SBK1: variants seen among roughly 807,000 people sequenced by gnomAD.
SBK1 encodes the protein SH3 domain binding kinase 1, also known as serine/threonine-protein kinase SBK1.
A neutral mutation model predicts 24.4 loss-of-function variants in SBK1; 11 were observed. The ratio of observed to expected loss-of-function variants is 0.45; its 90% CI spans 0.28 to 0.75. The LOEUF (loss-of-function observed/expected upper bound fraction) is 0.75. Ranked by LOEUF, SBK1 falls within the 30% of genes least tolerant of loss-of-function variation. The probability of loss-of-function intolerance (pLI) is 0.12; values close to 1 mark genes in which losing one functional copy is unlikely to be tolerated. For missense variants in SBK1, 467 were observed against 620.5 expected (o/e 0.75, Z 2.63); for synonymous variants, 308 against 284.4 (o/e 1.08, Z -0.83).
In SBK1 at chr16:28,293,126, A is replaced by G; in HGVS notation, c.-182A>G. The G allele has an allele frequency of 2.0e-6, 2 of 985,688 alleles. No homozygotes were observed. Among genetic ancestry groups the G allele is most frequent in the Non-Finnish European group, 2.4e-6 (2 of 830,108 alleles). The allele number at this position is 985,688 out of a possible 1,614,324, so 61.1% of individuals were successfully genotyped here. ...ACAGCAAGAGACACTCTCACCAGCA[A>G]GAAGCCTCGGGGATCCCCCCCCTAA... On this transcript the variant is annotated 5_prime_UTR_variant, in exon 1 of 4. Coordinates refer to ENST00000341901, the MANE Select transcript of SBK1 (RefSeq NM_001024401.3).
At chr16:28,270,149 C>T (rs1343109301) in intron 1 of SBK1, among the ~76,000 whole-genome samples, 2 of 151,922 alleles carry the variant, frequency 1.3e-5, no homozygotes, top group African/African-American at 4.8e-5. Context: ...TCAACCTCCG[C>T]CTCCCAGGTT....
chr16:28,305,936 T>C (rs1162544917), intron 1 of SBK1, among the ~76,000 whole-genome samples: 1 of 152,238 alleles, frequency 6.6e-6, no homozygotes, highest in Non-Finnish European at 1.5e-5. Context: ...GATTCTTGAA[T>C]GGGCATGTGG....
At chr16:28,289,127 T>C (rs36019610), upstream of SBK1, among the ~76,000 whole-genome samples, 13,951 of 152,248 alleles carry the variant, frequency 0.092, 1,095 homozygotes, top group African/African-American at 0.21. Flanking sequence ...GGTCTGTTTC[T>C]TCCTCTGCAA....
At chr16:28,283,217 C>T (rs2044544666) in intron 1 of SBK1, among the ~76,000 whole-genome samples, 1 of 152,064 alleles carries the variant, frequency 6.6e-6, no homozygotes, top group Non-Finnish European at 1.5e-5. Context: ...AAGTATGAGC[C>T]ACCGCGCCCG....
In SBK1 at chr16:28,321,196, CA is replaced by C; in HGVS notation, c.*276del. On this transcript the variant is annotated 3_prime_UTR_variant, in exon 4 of 4. Coordinates refer to ENST00000341901, the MANE Select transcript of SBK1 (RefSeq NM_001024401.3). ...GGCCACCACACAACACACACACACACACACACACACACACACACACACACAC... is the reference window on the plus strand; with the variant it reads ...GGCCACCACACAACACACACACACACCACACACACACACACACACACACAC... The C allele has an allele frequency of 3.7e-5, 1 of 26,968 alleles. No homozygotes were observed. The allele number at this position is 26,968 out of a possible 1,614,324, so 1.7% of individuals were successfully genotyped here. A position where few individuals can be genotyped will look rare whatever the true frequency, so the allele number is the denominator to read the frequency against.
intron 1 of SBK1, among the ~76,000 whole-genome samples, chr16:28,282,456 G>A (rs970496263): frequency 3.9e-5 from 6 of 152,096 alleles, no homozygotes; most frequent in African/African-American, 1.2e-4. Context: ...GGAAGCCCCC[G>A]AACTTTGTGT....
chr16:28,307,035 G>GCAGCCC (rs911430441), intron 1 of SBK1, among the ~76,000 whole-genome samples: 18 of 152,200 alleles, frequency 1.2e-4, no homozygotes, highest in South Asian at 6.2e-4. Context: ...TCTCCCTCCA[G>GCAGCCC]CAGCCCCAGC....
intron 1 of SBK1, among the ~76,000 whole-genome samples, chr16:28,273,064 C>T (rs920593361): frequency 7.9e-5 from 12 of 151,910 alleles, no homozygotes; most frequent in African/African-American, 2.4e-4. Context: ...AGTGCTAATA[C>T]CATTTTGAGA....
chr16:28,313,433 C>G (rs1250643576), intron 1 of SBK1, among the ~76,000 whole-genome samples: 1 of 151,720 alleles, frequency 6.6e-6, no homozygotes, highest in African/African-American at 2.4e-5. Context: ...CCCATCTCTA[C>G]AAAAAATACA....
chr16:28,292,425 C>A, upstream of SBK1: 2 of 628,494 alleles, frequency 3.2e-6, no homozygotes, highest in Non-Finnish European at 3.9e-6. Flanking sequence ...AGGGCGCGCG[C>A]CGAGCGGGAC....
intron 1 of SBK1, among the ~76,000 whole-genome samples, chr16:28,263,530 C>T (rs533110802): frequency 2.6e-5 from 4 of 152,126 alleles, no homozygotes; most frequent in Non-Finnish European, 4.4e-5. Context: ...TCAGTGTAGC[C>T]GAGGCAGAGC....
intron 1 of SBK1, among the ~76,000 whole-genome samples, chr16:28,275,139 A>G (rs1250459112): frequency 1.3e-5 from 2 of 152,108 alleles, no homozygotes; most frequent in African/African-American, 4.8e-5. Flanking sequence ...CAGCCTGGGC[A>G]ATATAGTGAG....
intron 1 of SBK1, among the ~76,000 whole-genome samples, chr16:28,304,259 CG>C (rs2044700052): frequency 6.6e-6 from 1 of 152,184 alleles, no homozygotes; most frequent in Admixed American, 6.5e-5. Context: ...GCATTTCCTC[CG>C]TGCCTGGCTC....
intron 1 of SBK1, among the ~76,000 whole-genome samples, chr16:28,309,230 C>T (rs1485309570): frequency 2.6e-5 from 4 of 152,146 alleles, no homozygotes; most frequent in East Asian, 1.9e-4. Context: ...AAACCTTCCC[C>T]GATCCTTTGA....
At chr16:28,312,012 C>T (rs754461185) in intron 1 of SBK1, among the ~76,000 whole-genome samples, 9 of 152,238 alleles carry the variant, frequency 5.9e-5, no homozygotes, top group Non-Finnish European at 1.0e-4. Context: ...CCTTGCAGGG[C>T]CAAAGCCCAA....
chr16:28,261,567 C>T (rs2141556048), intron 1 of SBK1, among the ~76,000 whole-genome samples: 1 of 152,170 alleles, frequency 6.6e-6, no homozygotes, highest in Non-Finnish European at 1.5e-5. Context: ...AAGTTCGAGG[C>T]TGCACTGAGC....
rs11863668 is a variant in SBK1, at chr16:28,300,013, C to T, written c.-8+6713C>T. ...CAGCCTTCTCCATGGGCTGGCCTCCCACCCACAATTCCCTTGCCTCTTTCC... is the reference window on the plus strand; with the variant it reads ...CAGCCTTCTCCATGGGCTGGCCTCCTACCCACAATTCCCTTGCCTCTTTCC... On this transcript the variant is annotated intron_variant, in intron 1 of 3. Transcript: ENST00000341901. Among the ~76,000 whole-genome samples, 984 of 152,320 alleles carry T rather than the reference C, an allele frequency of 6.5e-3. 12 individuals carry two copies. The highest frequency in any genetic ancestry group is 0.023 in the African/African-American group (950 of 41,558).
chr16:28,315,629 C>A (rs1055513417), intron 1 of SBK1, among the ~76,000 whole-genome samples: 2 of 152,096 alleles, frequency 1.3e-5, no homozygotes, highest in Admixed American at 6.5e-5. Flanking sequence ...GATGTGGTGG[C>A]GCATGCTTGC....
At chr16:28,315,143 C>CT (rs1351015724) in intron 1 of SBK1, among the ~76,000 whole-genome samples, 1 of 151,652 alleles carries the variant, frequency 6.6e-6, no homozygotes, top group African/African-American at 2.4e-5. Flanking sequence ...GTGCCTGCGC[C>CT]TGGGAAAGGC....
Sources: gnomAD v4.1 joint callset for allele counts (sites outside exome capture counted in the v4.1 genomes callset) on GRCh38, gnomAD v4.1.1 for gene constraint, MANE v1.5 for transcripts, NCBI Gene and HGNC (gene_info 2026-07-23, HGNC 2026-07-21) for gene names.